Variants in DST observed in about 807,000 individuals in gnomAD.
The protein encoded by DST is dystonin, also known as bullous pemphigoid antigen.
In DST, 253 loss-of-function variants were observed where a neutral mutation model predicts 875.2. The ratio of observed to expected loss-of-function variants is 0.29; its 90% CI spans 0.26 to 0.32. DST has a LOEUF of 0.32. DST is among the 10% of genes least tolerant of loss of function. The probability of loss-of-function intolerance (pLI) is 1.00; values close to 1 mark genes in which losing one functional copy is unlikely to be tolerated. For synonymous variants in DST, 3,124 were observed against 3,197.1 expected, an observed-to-expected ratio of 0.98 and a Z score of 0.77; for missense variants, 8,287 against 9,111.6, an observed-to-expected ratio of 0.91 and a Z score of 3.68.
rs368902741 is a variant in DST at position 56,477,362 on chromosome 6, G to A, written c.21658C>T (p.Arg7220Trp). ...TTIKHWITII[R>W]ARFEEVLAWA... Reference sequence around the variant, plus strand: ...ACACTGACCTCCTCAAACCTCGCCCGGATGATTGTTATCCAGTGCTTAATG... The same window carrying A: ...ACACTGACCTCCTCAAACCTCGCCCAGATGATTGTTATCCAGTGCTTAATG... The change falls in exon 91 of 104, where the codon CGG becomes TGG. Residue 7220 changes from arginine (R) to tryptophan (W), a missense_variant. By Grantham distance (101) the Arg-to-Trp change is moderately radical (BLOSUM62 -3). Around this residue, in one of 10 missense-constraint regions of DST, gnomAD observed 1,292 missense variants for 1,552.7 expected, o/e 0.83. Transcript: ENST00000680361. 1.7e-5 allele frequency: 27 copies of A among 1,613,712 alleles called. No homozygotes were observed. Among genetic ancestry groups the A allele is most frequent in the African/African-American group, 2.7e-5 (2 of 74,906 alleles).
chr6:56,731,666 C>T (rs2099499022), intron 5 of DST, among the ~76,000 whole-genome samples: 1 of 152,108 alleles, frequency 6.6e-6, no homozygotes, highest in African/African-American at 2.4e-5. Flanking sequence ...TTGTATTTCG[C>T]TGTTTGGATG....
In DST at chr6:56,648,657, A is replaced by T; in HGVS notation, c.1467T>A (p.Asn489Lys). 1 of 1,581,582 alleles carries T rather than the reference A, an allele frequency of 6.3e-7. No individual in the cohort carries two copies. The highest frequency in any genetic ancestry group is 8.6e-7 in the Non-Finnish European group (1 of 1,161,134). ...TCCATTGGATGAGGTAGTTCACCAT[A>T]TTCTGGTATTCAATCCATTTGACTT... ...DVEVKWIEYQNMVNYLIQWIR... is the reference protein window; with the variant it reads ...DVEVKWIEYQKMVNYLIQWIR... The change falls in exon 13 of 104, where the codon AAT becomes AAA. Residue 489 changes from asparagine to lysine, a missense_variant. By Grantham distance (94) the Asn-to-Lys change is moderately conservative. Coordinates refer to ENST00000680361, the MANE Select transcript of DST (RefSeq NM_001374736.1).
Position 56,618,971 on chromosome 6 carries a change from A to G in DST, c.4930-4487T>C, listed in dbSNP as rs982940689. ...TCGCTTCTCTTCTTTGGAAGCATTC[A>G]GTTCCGCATTCAGATTTCTAACTTC... On this transcript the variant is annotated intron_variant, in intron 36 of 103. Coordinates refer to ENST00000680361, the MANE Select transcript of DST (RefSeq NM_001374736.1). The G allele has an allele frequency of 6.2e-7, 1 of 1,614,186 alleles. No individual in the cohort carries two copies.
chr6:56,507,678 G>T (rs541937293), intron 75 of DST, among the ~76,000 whole-genome samples: 20 of 152,262 alleles, frequency 1.3e-4, no homozygotes, highest in African/African-American at 4.8e-4. Flanking sequence ...GTTTGTTTTG[G>T]GAAACGCCCT....
chr6:56,490,750 C>A (rs2095709402), intron 85 of DST, among the ~76,000 whole-genome samples: 1 of 152,036 alleles, frequency 6.6e-6, no homozygotes, highest in African/African-American at 2.4e-5. Flanking sequence ...TAGTTTGACT[C>A]CAAATAATAC....
intron 3 of DST, among the ~76,000 whole-genome samples, chr6:56,872,764 A>G (rs1252085215): frequency 3.2e-4 from 49 of 151,504 alleles, no homozygotes; most frequent in Admixed American, 3.2e-3. Context: ...AGATAGAAAG[A>G]TAGAGTAATT....
At chr6:56,662,810 CG>C (rs574055971) in intron 10 of DST, among the ~76,000 whole-genome samples, 3 of 150,302 alleles carry the variant, frequency 2.0e-5, no homozygotes, top group Admixed American at 6.6e-5. Flanking sequence ...GGCATGGGGG[CG>C]GGGGGGTCAT....
intron 2 of DST, among the ~76,000 whole-genome samples, chr6:56,937,379 A>T (rs539489193): frequency 3.9e-5 from 6 of 152,232 alleles, no homozygotes; most frequent in African/African-American, 1.2e-4. Context: ...TCACCAGAGA[A>T]GATATATGAA....
chr6:56,478,224 A>T (rs989768576), intron 90 of DST, among the ~76,000 whole-genome samples: 1 of 152,206 alleles, frequency 6.6e-6, no homozygotes, highest in Non-Finnish European at 1.5e-5. Flanking sequence ...TATGCCAGGA[A>T]ATATGGCAGC....
intron 3 of DST, among the ~76,000 whole-genome samples, chr6:56,861,085 T>C (rs1018128281): frequency 2.6e-5 from 4 of 152,232 alleles, no homozygotes; most frequent in Non-Finnish European, 5.9e-5. Context: ...GCTTCCATTT[T>C]CATTACCTGT....
intron 3 of DST, among the ~76,000 whole-genome samples, chr6:56,859,396 C>T (rs1769803374): frequency 6.6e-6 from 1 of 152,082 alleles, no homozygotes; most frequent in Non-Finnish European, 1.5e-5. Context: ...AAATTTCAGA[C>T]ATCTTTTTTT....
In DST at chr6:56,631,878, C is replaced by G. The variant is rs1281876142; in HGVS notation, c.3963+5G>C. On this transcript the variant is annotated splice_donor_5th_base_variant and intron_variant, in intron 29 of 103. Coordinates refer to ENST00000680361, the MANE Select transcript of DST (RefSeq NM_001374736.1). ...TTTTTTTCCCAACATATTTATAGCT[C>G]TCACCTCCTGTTCTGTGATTCTGAA... is the stretch of plus-strand genomic sequence containing the variant. 4 of 1,613,648 alleles carry G rather than the reference C, an allele frequency of 2.5e-6. No homozygotes were observed. The East Asian group carries it at 8.9e-5, about 36-fold the overall frequency.
chr6:56,659,401 C>G (rs1258047295), intron 10 of DST, among the ~76,000 whole-genome samples: 1 of 152,024 alleles, frequency 6.6e-6, no homozygotes, highest in African/African-American at 2.4e-5. Flanking sequence ...TAAGCAGGAG[C>G]AGACAAGAAG....
chr6:56,911,509 T>G (rs564881648), intron 2 of DST, among the ~76,000 whole-genome samples: 30 of 152,264 alleles, frequency 2.0e-4, no homozygotes, highest in African/African-American at 7.2e-4. Context: ...TGGAGTGGAA[T>G]GGAGTCATTC....
chr6:56,944,027 G>C (rs1283210706), intron 2 of DST, among the ~76,000 whole-genome samples: 3 of 152,050 alleles, frequency 2.0e-5, no homozygotes, highest in Non-Finnish European at 4.4e-5. Flanking sequence ...TGAGGCAGGA[G>C]AATCACTTGA....
chr6:56,465,737 C>T (rs1459890836), intron 99 of DST, among the ~76,000 whole-genome samples: 2 of 151,842 alleles, frequency 1.3e-5, no homozygotes, highest in Non-Finnish European at 2.9e-5. Flanking sequence ...TTTTCTCTTA[C>T]TTTGCTATGT....
intron 72 of DST, among the ~76,000 whole-genome samples, chr6:56,513,735 A>G (rs2096531551): frequency 1.3e-5 from 2 of 152,156 alleles, no homozygotes; most frequent in Admixed American, 1.3e-4. Flanking sequence ...CCATCTACTC[A>G]GGTATGTGTG....
chr6:56,605,911 C>G lies in DST; in HGVS notation c.8717G>C (p.Ser2906Thr). The stretch of plus-strand genomic sequence containing the variant: ...CTCATGGTTCAACAGATTTTCTTTG[C>G]TTTTTCCAGCAATCTCAGTTGTATA... ...PEYTTEIAGK[S>T]KENLLNHEMV... The change falls in exon 40 of 104, where the codon AGC (serine) becomes ACC (threonine). Residue 2906 changes from serine to threonine, a missense_variant. Ser to Thr is a moderately conservative substitution (Grantham distance 58, BLOSUM62 1). Coordinates refer to ENST00000680361, the MANE Select transcript of DST (RefSeq NM_001374736.1). 6.2e-7 allele frequency: 1 copy of G among 1,612,712 alleles called. No homozygotes were observed. The highest frequency in any genetic ancestry group is 1.3e-5 in the African/African-American group (1 of 74,968).
intron 2 of DST, among the ~76,000 whole-genome samples, chr6:56,916,774 TCTCTCACA>T (rs1361063881): frequency 5.8e-4 from 51 of 88,504 alleles, no homozygotes; most frequent in African/African-American, 2.3e-3. Flanking sequence ...TCTCTCTCTC[TCTCTCACA>T]CACACACACA....
Sources: allele counts gnomAD v4.1 joint callset (sites outside exome capture counted in the v4.1 genomes callset), GRCh38; gene constraint gnomAD v4.1.1; regional missense constraint gnomAD v4.1.1; transcripts MANE v1.5; gene names NCBI Gene and HGNC (gene_info 2026-07-23, HGNC 2026-07-21).